The following LGSN variants were observed in gnomAD, a reference collection of about 807,000 sequenced individuals.
LGSN encodes lengsin, lens protein with glutamine synthetase domain.
LGSN carries 21 observed loss-of-function variants against 19.5 expected under a neutral mutation model. That is an observed-to-expected ratio of 1.07 (90% CI 0.76 to 1.55). LGSN has a LOEUF of 1.55. Among genes scored for constraint, LGSN ranks in the 40% most tolerant of loss-of-function variants. The probability of loss-of-function intolerance (pLI) is 0.00; values close to 1 mark genes in which losing one functional copy is unlikely to be tolerated. For synonymous variants in LGSN, 257 were observed against 215.6 expected, an observed-to-expected ratio of 1.19 and a Z score of -1.68; for missense variants, 673 against 608.5, an observed-to-expected ratio of 1.11 and a Z score of -1.12.
At chr6:63,350,928 G>T in the LGSN span, among the ~76,000 whole-genome samples, 2 of 151,580 alleles carry the variant, frequency 1.3e-5, no homozygotes, top group Admixed American at 1.3e-4. Flanking sequence ...TAATAAAAAA[G>T]AATTTGCCAT....
At chr6:63,412,599 GAGGGAAAGAAAGGGAA>G in the LGSN span, among the ~76,000 whole-genome samples, 5 of 141,438 alleles carry the variant, frequency 3.5e-5, no homozygotes. Context: ...GGCAAAGAAA[GAGGGAAAGAAAGGGAA>G]AGGGAAAGAA....
chr6:63,515,154 C>T, the LGSN span, among the ~76,000 whole-genome samples: 9 of 152,286 alleles, frequency 5.9e-5, no homozygotes, highest in East Asian at 1.4e-3. Context: ...AGGCAAGCAT[C>T]ACCATGCCTG....
chr6:63,493,782 T>C, the LGSN span, among the ~76,000 whole-genome samples: 1 of 152,164 alleles, frequency 6.6e-6, no homozygotes, highest in Non-Finnish European at 1.5e-5. Flanking sequence ...ATCAGTTCTT[T>C]GATGATTCAT....
chr6:63,290,049 C>T (rs1433352232), intron 2 of LGSN, among the ~76,000 whole-genome samples: 6 of 149,884 alleles, frequency 4.0e-5, no homozygotes. Context: ...GGAAAGGGGG[C>T]TTTTCTTTGA....
At chr6:63,451,330 T>C in the LGSN span, among the ~76,000 whole-genome samples, 1 of 152,106 alleles carries the variant, frequency 6.6e-6, no homozygotes, top group Non-Finnish European at 1.5e-5. Context: ...AAGAAGACAT[T>C]AATTCAACAT....
chr6:63,542,022 GGT>G, the LGSN span, among the ~76,000 whole-genome samples: 48,729 of 146,570 alleles, frequency 0.33, 8,616 homozygotes, highest in Middle Eastern at 0.42. Context: ...AAGAAACTGT[GGT>G]GTGTGTGTGT....
the LGSN span, among the ~76,000 whole-genome samples, chr6:63,379,117 T>C: frequency 6.6e-6 from 1 of 152,168 alleles, no homozygotes; most frequent in Non-Finnish European, 1.5e-5. Context: ...GAATGATCCA[T>C]TGTCACCCCC....
chr6:63,438,541 G>A, the LGSN span, among the ~76,000 whole-genome samples: 74 of 151,958 alleles, frequency 4.9e-4, no homozygotes, highest in African/African-American at 1.3e-3. Context: ...AAAAGTGGGC[G>A]AAGGACATGA....
chr6:63,524,515 T>C, the LGSN span, among the ~76,000 whole-genome samples: 2 of 152,184 alleles, frequency 1.3e-5, no homozygotes. Context: ...GAAAAATATG[T>C]ATAATTTTAA....
chr6:63,434,242 C>T, the LGSN span, among the ~76,000 whole-genome samples: 9 of 151,872 alleles, frequency 5.9e-5, no homozygotes, highest in Admixed American at 5.9e-4. Flanking sequence ...AGTCCGAGCC[C>T]AGCCTGGCCA....
At chr6:63,288,043 G>C (rs1029213662) in intron 2 of LGSN, among the ~76,000 whole-genome samples, 1 of 151,444 alleles carries the variant, frequency 6.6e-6, no homozygotes, top group South Asian at 2.1e-4. Context: ...GTGAAACCCC[G>C]TCTCTACAAA....
At chr6:63,458,932 A>G in the LGSN span, among the ~76,000 whole-genome samples, 1 of 152,228 alleles carries the variant, frequency 6.6e-6, no homozygotes, top group African/African-American at 2.4e-5. Context: ...TTTTGTTACC[A>G]TTATGTAAAG....
chr6:63,429,434 C>T, the LGSN span, among the ~76,000 whole-genome samples: 95 of 152,150 alleles, frequency 6.2e-4, no homozygotes, highest in African/African-American at 2.0e-3. Context: ...TCAAACATTT[C>T]TTAAAAATCA....
chr6:63,413,372 A>G, the LGSN span, among the ~76,000 whole-genome samples: 1 of 152,154 alleles, frequency 6.6e-6, no homozygotes, highest in Non-Finnish European at 1.5e-5. Flanking sequence ...TGGATACACA[A>G]TATTATGAAA....
rs770221382 is a variant in LGSN at position 63,294,860 on chromosome 6, A to G, written c.163+53T>C. 1.4e-4 allele frequency: 221 copies of G among 1,571,190 alleles called. 1 individual carries two copies. Among genetic ancestry groups the G allele is most frequent in the Non-Finnish European group, 2.6e-5 (30 of 1,150,556 alleles). On this transcript the variant is annotated intron_variant, in intron 2 of 3. Coordinates refer to ENST00000370657, the MANE Select transcript of LGSN (RefSeq NM_016571.3). ...GATGTTTTATGAAAAGAAAGACCAA[A>G]TGGAGATTGCCTCTGACCACACCAT... is the stretch of plus-strand genomic sequence containing the variant.
the LGSN span, among the ~76,000 whole-genome samples, chr6:63,402,260 G>A: frequency 6.6e-6 from 1 of 152,154 alleles, no homozygotes; most frequent in South Asian, 2.1e-4. Flanking sequence ...TTCTCCAGTG[G>A]TGTTCAGATA....
the LGSN span, among the ~76,000 whole-genome samples, chr6:63,494,093 G>T: frequency 6.6e-6 from 1 of 151,942 alleles, no homozygotes; most frequent in South Asian, 2.1e-4. Flanking sequence ...GGGATTACAG[G>T]CATGTGCCAC....
At chr6:63,381,439 G>A in the LGSN span, among the ~76,000 whole-genome samples, 4 of 152,136 alleles carry the variant, frequency 2.6e-5, no homozygotes, top group African/African-American at 9.7e-5. Flanking sequence ...TGAAAGAAAA[G>A]AGTAGTACTA....
chr6:63,503,699 G>C, the LGSN span, among the ~76,000 whole-genome samples: 2 of 152,166 alleles, frequency 1.3e-5, no homozygotes, highest in East Asian at 3.8e-4. Flanking sequence ...TGGATTGCTT[G>C]AGCCCAGGAG....
Sources: gnomAD v4.1 joint callset for allele counts (sites outside exome capture counted in the v4.1 genomes callset) on GRCh38, gnomAD v4.1.1 for gene constraint, MANE v1.5 for transcripts, NCBI Gene and HGNC (gene_info 2026-07-23, HGNC 2026-07-21) for gene names.